Variants in ST7 observed in about 807,000 individuals in gnomAD.
ST7 encodes suppressor of tumorigenicity 7 protein.
ST7 carries 28 observed loss-of-function variants against 78.7 expected under a neutral mutation model. That is an observed-to-expected ratio of 0.36 (90% confidence interval 0.26 to 0.49). ST7 has a LOEUF of 0.49. ST7 is among the 20% of genes least tolerant of loss of function. ST7 has a pLI of 0.99. For missense variants in ST7, 418 were observed against 696.0 expected, an observed-to-expected ratio of 0.60 and a Z score of 4.49; for synonymous variants, 247 against 249.6, an observed-to-expected ratio of 0.99 and a Z score of 0.10.
chr7:117,138,602 C>A, intron 9 of ST7, 70 bp downstream of exon 9: 1 of 1,116,152 alleles, frequency 9.0e-7, no homozygotes, highest in Non-Finnish European at 1.3e-6. Context: ...CCATAGCAGT[C>A]TGTACCAGTG....
intron 15 of ST7, among the ~76,000 whole-genome samples, chr7:117,225,649 G>C (rs1254472923): frequency 6.6e-6 from 1 of 152,138 alleles, no homozygotes; most frequent in African/African-American, 2.4e-5. Context: ...GGCTGCCTGC[G>C]ACCATTTGCA....
At chr7:117,093,704 A>G (rs1800808614) in intron 1 of ST7, among the ~76,000 whole-genome samples, 2 of 152,132 alleles carry the variant, frequency 1.3e-5, no homozygotes, top group Non-Finnish European at 2.9e-5. Flanking sequence ...CCGTCTCAAA[A>G]AAACAACAAC....
intron 1 of ST7, among the ~76,000 whole-genome samples, chr7:117,091,025 G>T (rs1403896180): frequency 2.6e-5 from 4 of 152,204 alleles, no homozygotes; most frequent in African/African-American, 9.6e-5. Flanking sequence ...CCACTCCTCA[G>T]CAGAGCCAGA....
At chr7:117,033,931 T>C (rs1035124481) in intron 1 of ST7, among the ~76,000 whole-genome samples, 1 of 152,078 alleles carries the variant, frequency 6.6e-6, no homozygotes, top group Non-Finnish European at 1.5e-5. Flanking sequence ...TCGTTTTTAT[T>C]GTTGTTGTTC....
At chr7:117,079,779 A>T (rs1324458909) in intron 1 of ST7, among the ~76,000 whole-genome samples, 1 of 152,096 alleles carries the variant, frequency 6.6e-6, no homozygotes, top group Non-Finnish European at 1.5e-5. Flanking sequence ...AGTTCCATGT[A>T]ATTCTATCCT....
chr7:117,050,050 C>CA (rs56002625), intron 1 of ST7, among the ~76,000 whole-genome samples: 3,287 of 132,548 alleles, frequency 0.025, 94 homozygotes, highest in African/African-American at 0.067. Context: ...ACTAAAAATA[C>CA]AAAAAAAAAA....
intron 9 of ST7, chr7:117,145,446 C>T (rs530251066): frequency 3.3e-5 from 5 of 152,292 alleles, no homozygotes; most frequent in Non-Finnish European, 5.9e-5. Flanking sequence ...GAGCCGTCCT[C>T]CCTCTAAAAG....
intron 1 of ST7, among the ~76,000 whole-genome samples, chr7:116,981,254 C>T (rs1585085366): frequency 6.6e-6 from 1 of 152,090 alleles, no homozygotes; most frequent in East Asian, 1.9e-4. Context: ...TCCACAGGCA[C>T]ATGCCACCAC....
At chr7:117,032,153 A>G (rs1357737548) in intron 1 of ST7, among the ~76,000 whole-genome samples, 8 of 152,098 alleles carry the variant, frequency 5.3e-5, no homozygotes, top group African/African-American at 1.9e-4. Context: ...AAGTGCTGGG[A>G]TTACACGAAT....
intron 1 of ST7, chr7:116,958,493 G>A (rs1792645805): frequency 5.7e-6 from 2 of 348,734 alleles, no homozygotes; most frequent in Admixed American, 8.0e-5. Flanking sequence ...TTCCCTTCTA[G>A]AGGGTCTGGT....
At chr7:117,113,271 A>G (rs1563091140) in intron 2 of ST7, among the ~76,000 whole-genome samples, 1 of 152,206 alleles carries the variant, frequency 6.6e-6, no homozygotes, top group African/African-American at 2.4e-5. Context: ...CTAGAATTTA[A>G]ATTTCCACCA....
At chr7:116,973,244 T>C (rs1413884738) in intron 1 of ST7, among the ~76,000 whole-genome samples, 2 of 152,050 alleles carry the variant, frequency 1.3e-5, no homozygotes, top group African/African-American at 4.8e-5. Context: ...TCTTGTCCTC[T>C]GTCTCTCTCT....
At chr7:117,198,360 A>G (rs1433453557) in intron 12 of ST7, 3 of 456,088 alleles carry the variant, frequency 6.6e-6, no homozygotes, top group Non-Finnish European at 1.3e-5. Flanking sequence ...ATGCATTAAC[A>G]GGTGCTTCTT....
At chr7:117,161,445 A>AT (rs903835210) in intron 9 of ST7, among the ~76,000 whole-genome samples, 2 of 151,460 alleles carry the variant, frequency 1.3e-5, no homozygotes, top group Non-Finnish European at 2.9e-5. Context: ...TCTTTTATTT[A>AT]TTTTTTTGTT....
intron 1 of ST7, among the ~76,000 whole-genome samples, chr7:117,012,713 G>C (rs1400081528): frequency 1.3e-5 from 2 of 151,964 alleles, no homozygotes; most frequent in African/African-American, 4.8e-5. Context: ...AATCTATCTA[G>C]TATGTAAGTA....
intron 1 of ST7, among the ~76,000 whole-genome samples, chr7:117,027,649 G>A (rs147056982): frequency 3.3e-5 from 5 of 152,172 alleles, no homozygotes; most frequent in South Asian, 4.1e-4. Context: ...TTGGGAGGCC[G>A]AGGCATGAGG....
chr7:116,961,908 A>T (rs962224800), intron 1 of ST7, among the ~76,000 whole-genome samples: 3 of 151,250 alleles, frequency 2.0e-5, no homozygotes, highest in African/African-American at 7.3e-5. Flanking sequence ...TGCATTAGCT[A>T]TTTCTTCTAA....
At chr7:117,006,349 C>T (rs575217180) in intron 1 of ST7, among the ~76,000 whole-genome samples, 2 of 152,324 alleles carry the variant, frequency 1.3e-5, no homozygotes, top group African/African-American at 4.8e-5. Flanking sequence ...TGTAGCATGA[C>T]TACCTATTCT....
chr7:117,114,989 A>G (rs1004099458), intron 2 of ST7, among the ~76,000 whole-genome samples: 3 of 152,162 alleles, frequency 2.0e-5, no homozygotes, highest in African/African-American at 7.2e-5. Flanking sequence ...GCTTCTGTCA[A>G]ATAATAATGA....
Sources: allele counts gnomAD v4.1 joint callset (sites outside exome capture counted in the v4.1 genomes callset), GRCh38; gene constraint gnomAD v4.1.1; transcripts MANE v1.5; gene names NCBI Gene and HGNC (gene_info 2026-07-23, HGNC 2026-07-21).